The following CREB5 variants were observed in gnomAD, a reference collection of about 807,000 sequenced individuals.
The protein encoded by CREB5 is cAMP responsive element binding protein 5.
Under a neutral mutation model 57.1 loss-of-function variants are expected in CREB5, and 19 were observed. The observed-to-expected ratio is 0.33, with a 90% CI of 0.23 to 0.49. CREB5 has a LOEUF of 0.49. Among genes scored for constraint, CREB5 ranks in the 20% least tolerant of loss-of-function variants. The probability of loss-of-function intolerance (pLI) is 0.99; values close to 1 mark genes in which losing one functional copy is unlikely to be tolerated. For synonymous variants in CREB5, 238 were observed against 238.3 expected, an observed-to-expected ratio of 1.00 and a Z score of 0.01; for missense variants, 579 against 671.6, an observed-to-expected ratio of 0.86 and a Z score of 1.52.
At chr7:28,666,026 G>A (rs1395321425) in intron 5 of CREB5, among the ~76,000 whole-genome samples, 1 of 151,998 alleles carries the variant, frequency 6.6e-6, no homozygotes, top group African/African-American at 2.4e-5. Flanking sequence ...ATTTTTTGCT[G>A]TCTTTTTTCA....
At chr7:28,658,853 A>G (rs1186364189) in intron 5 of CREB5, among the ~76,000 whole-genome samples, 1 of 150,948 alleles carries the variant, frequency 6.6e-6, no homozygotes, top group African/African-American at 2.4e-5. Context: ...CAGCATAGAC[A>G]TAGACTATTT....
At chr7:28,407,242 C>G (rs62451106) in intron 1 of CREB5, among the ~76,000 whole-genome samples, 7,893 of 152,022 alleles carry the variant, frequency 0.052, 247 homozygotes, top group African/African-American at 0.072. Flanking sequence ...TAGAGACGGG[C>G]GTTTCACCAT....
upstream of CREB5, chr7:28,410,559 C>A (rs952558008): frequency 6.6e-6 from 3 of 456,532 alleles, no homozygotes; most frequent in African/African-American, 4.0e-5. Flanking sequence ...AAGCCCTAGA[C>A]CTTGTCCACA....
intron 5 of CREB5, among the ~76,000 whole-genome samples, chr7:28,608,105 TCTCTCTCTCACACACA>T (rs935806000): frequency 3.0e-4 from 11 of 36,942 alleles, no homozygotes; most frequent in African/African-American, 1.1e-3. Flanking sequence ...TCTCTCTCTC[TCTCTCTCTCACACACA>T]CTCACACACA....
intron 1 of CREB5, among the ~76,000 whole-genome samples, chr7:28,459,094 A>T (rs79563561): frequency 4.6e-5 from 7 of 152,120 alleles, no homozygotes; most frequent in Admixed American, 1.3e-4. Flanking sequence ...CCCCACACCC[A>T]TCCAGTGACC....
chr7:28,494,050 G>A (rs1249357449), intron 2 of CREB5, among the ~76,000 whole-genome samples: 1 of 152,070 alleles, frequency 6.6e-6, no homozygotes, highest in Non-Finnish European at 1.5e-5. Context: ...CTTTCATCAT[G>A]TATATCTCCT....
chr7:28,538,147 G>A (rs934330951), intron 4 of CREB5, among the ~76,000 whole-genome samples: 3 of 152,088 alleles, frequency 2.0e-5, no homozygotes, highest in Non-Finnish European at 4.4e-5. Flanking sequence ...TCTGTCTCCC[G>A]GGTCCAAGTG....
intron 7 of CREB5, among the ~76,000 whole-genome samples, chr7:28,755,971 A>G (rs773517585): frequency 4.6e-5 from 7 of 152,340 alleles, no homozygotes; most frequent in Non-Finnish European, 1.0e-4. Flanking sequence ...TGGGGCGGGC[A>G]TAAAGAACAA....
chr7:28,553,236 C>T (rs953696615), intron 4 of CREB5, among the ~76,000 whole-genome samples: 13 of 152,182 alleles, frequency 8.5e-5, no homozygotes, highest in Admixed American at 5.9e-4. Flanking sequence ...CCAAATATAT[C>T]ATGGGAGATG....
intron 1 of CREB5, among the ~76,000 whole-genome samples, chr7:28,450,481 C>A (rs569220135): frequency 9.1e-4 from 139 of 152,322 alleles, no homozygotes; most frequent in African/African-American, 3.2e-3. Context: ...CTTGCAATTT[C>A]TCATGCTGAA....
intron 4 of CREB5, among the ~76,000 whole-genome samples, chr7:28,560,875 C>CGCGTGCGTGCGCGCGCGTGCGCGT (rs1795127001): frequency 5.2e-5 from 1 of 19,220 alleles, no homozygotes; most frequent in African/African-American, 1.8e-4. Flanking sequence ...CCTGCGTGCG[C>CGCGTGCGTGCGCGCGCGTGCGCGT]GTGCGTGCGT....
At chr7:28,638,439 C>T (rs1351232681) in intron 5 of CREB5, among the ~76,000 whole-genome samples, 5 of 151,950 alleles carry the variant, frequency 3.3e-5, no homozygotes, top group East Asian at 3.9e-4. Flanking sequence ...TCAACCTCTC[C>T]GGACTCAAGC....
At chr7:28,452,204 C>G (rs988354975) in intron 1 of CREB5, among the ~76,000 whole-genome samples, 2 of 152,176 alleles carry the variant, frequency 1.3e-5, no homozygotes. Context: ...CCAGCCCTAT[C>G]TGACTCAAAT....
intron 1 of CREB5, among the ~76,000 whole-genome samples, chr7:28,306,546 GTTTT>G (rs796910262): frequency 3.2e-5 from 3 of 93,492 alleles, no homozygotes; most frequent in Admixed American, 1.4e-4. Context: ...ATACAGTTTT[GTTTT>G]TTTTGTTTTT....
At chr7:28,772,267 G>A (rs942866672) in intron 7 of CREB5, among the ~76,000 whole-genome samples, 2 of 152,124 alleles carry the variant, frequency 1.3e-5, no homozygotes, top group Admixed American at 6.6e-5. Context: ...GTTAGTAGCC[G>A]AAAACCGCTG....
At chr7:28,395,328 A>G (rs930805074) in intron 1 of CREB5, among the ~76,000 whole-genome samples, 3 of 152,226 alleles carry the variant, frequency 2.0e-5, no homozygotes, top group Non-Finnish European at 4.4e-5. Flanking sequence ...GTTCTGTGAT[A>G]CAAACTTCCC....
chr7:28,347,964 C>A (rs1363198387), intron 1 of CREB5, among the ~76,000 whole-genome samples: 1 of 152,120 alleles, frequency 6.6e-6, no homozygotes, highest in African/African-American at 2.4e-5. Flanking sequence ...TCCAAACAAG[C>A]CACCTGGTTT....
At chr7:28,685,962 G>C in intron 5 of CREB5, 4 of 569,132 alleles carry the variant, frequency 7.0e-6, no homozygotes, top group Non-Finnish European at 6.2e-6. Context: ...GAAGGGGGAG[G>C]AGGGCGAGAC....
chr7:28,677,243 C>T (rs148681000), intron 5 of CREB5, among the ~76,000 whole-genome samples: 21 of 152,184 alleles, frequency 1.4e-4, no homozygotes, highest in South Asian at 2.1e-4. Context: ...AGGATGACCA[C>T]GTAGAAGTGT....
Sources: allele counts gnomAD v4.1 joint callset (sites outside exome capture counted in the v4.1 genomes callset), GRCh38; gene constraint gnomAD v4.1.1; transcripts MANE v1.5; gene names NCBI Gene and HGNC (gene_info 2026-07-23, HGNC 2026-07-21).